The following SIAH1 variants were observed in gnomAD, a reference collection of about 807,000 sequenced individuals.
The protein encoded by SIAH1 is siah E3 ubiquitin protein ligase 1, also known as E3 ubiquitin-protein ligase SIAH1.
A neutral mutation model predicts 20.0 loss-of-function variants in SIAH1; 2 were observed. The ratio of observed to expected loss-of-function variants is 0.10; its 90% confidence interval spans 0.04 to 0.31. The LOEUF (loss-of-function observed/expected upper bound fraction) is 0.31. Among genes scored for constraint, SIAH1 ranks in the 10% least tolerant of loss-of-function variants. The pLI is 1.00. For missense variants in SIAH1, 119 were observed against 355.3 expected, an observed-to-expected ratio of 0.33 and a Z score of 5.35; for synonymous variants, 118 against 125.3, an observed-to-expected ratio of 0.94 and a Z score of 0.39.
chr16:48,380,076 A>G (rs1326813420), intron 1 of SIAH1, among the ~76,000 whole-genome samples: 2 of 152,234 alleles, frequency 1.3e-5, no homozygotes, highest in African/African-American at 2.4e-5. Context: ...AAGAGAGGCA[A>G]TGCCAGCTTT....
At chr16:48,369,208 T>C (rs990905422) in intron 1 of SIAH1, among the ~76,000 whole-genome samples, 4 of 152,330 alleles carry the variant, frequency 2.6e-5, no homozygotes, top group Admixed American at 6.5e-5. Context: ...TTCTTAAAAA[T>C]TGTATGTTTT....
intron 1 of SIAH1, among the ~76,000 whole-genome samples, chr16:48,375,101 A>G (rs1961074311): frequency 6.6e-6 from 1 of 152,256 alleles, no homozygotes. Context: ...GTGAGCCAAG[A>G]TGGTGCCACT....
intron 1 of SIAH1, among the ~76,000 whole-genome samples, chr16:48,368,421 C>T (rs777410660): frequency 9.2e-5 from 14 of 152,204 alleles, no homozygotes; most frequent in Non-Finnish European, 1.9e-4. Flanking sequence ...AACAGCTGGG[C>T]GTGGTGGCTC....
At chr16:48,369,153 A>C (rs1204181799) in intron 1 of SIAH1, among the ~76,000 whole-genome samples, 1 of 152,242 alleles carries the variant, frequency 6.6e-6, no homozygotes, top group African/African-American at 2.4e-5. Flanking sequence ...ACAATAAATT[A>C]AACAATCTAT....
chr16:48,362,572 AAG>A lies in SIAH1; in HGVS notation c.-2-144_-2-143del. On this transcript the variant is annotated intron_variant, in intron 1 of 1. Transcript: ENST00000394725. This position sits in a 1 kb window ranked among gnomAD's most constrained non-coding sequence, Gnocchi z 4.2. ...AAGAGGAAGAAAAATAGGATTAAAA[AAG>A]ATATTAAAAAAATAAAATTACACTG... The A allele has an allele frequency of 1.3e-6, 1 of 790,448 alleles. No homozygotes were observed. Among genetic ancestry groups the A allele is most frequent in the South Asian group, 1.9e-5 (1 of 52,686 alleles). The allele number at this position is 790,448 out of a possible 1,614,324, so 49.0% of individuals were successfully genotyped here. A position where few individuals can be genotyped will look rare whatever the true frequency, so the allele number is the denominator to read the frequency against.
At chr16:48,367,783 A>G (rs1029762802) in intron 1 of SIAH1, among the ~76,000 whole-genome samples, 1 of 146,452 alleles carries the variant, frequency 6.8e-6, no homozygotes, top group South Asian at 2.1e-4. Context: ...TAGAATATTT[A>G]CACTAGTTTT....
intron 1 of SIAH1, among the ~76,000 whole-genome samples, chr16:48,384,649 G>A (rs955762819): frequency 1.3e-5 from 2 of 151,088 alleles, no homozygotes; most frequent in Non-Finnish European, 3.0e-5. Flanking sequence ...GGCTCCAGCC[G>A]GGGGTCGGGG....
chr16:48,380,308 C>T (rs1413120470), intron 1 of SIAH1, among the ~76,000 whole-genome samples: 1 of 151,850 alleles, frequency 6.6e-6, no homozygotes, highest in Non-Finnish European at 1.5e-5. Flanking sequence ...GCACGGTGGG[C>T]TCGTTCCTCT....
intron 1 of SIAH1, chr16:48,365,582 G>A: frequency 6.7e-7 from 1 of 1,497,872 alleles, no homozygotes; most frequent in Non-Finnish European, 8.9e-7. Context: ...CGCGTCTGAG[G>A]TCAGGATCCA....
upstream of SIAH1, among the ~76,000 whole-genome samples, chr16:48,386,623 AT>A (rs1961474205): frequency 6.6e-6 from 1 of 152,260 alleles, no homozygotes. Flanking sequence ...TAATTACATG[AT>A]TTAAACTGCA....
rs1455617361 is a variant in SIAH1 at position 48,362,065 on chromosome 16, C to G, written c.364G>C (p.Glu122Gln). Reference sequence around the variant, plus strand: ...CACGGACAGGAATAAGGCCTAAACTCACAGAGCTCTTCATGGTCTGCTTTT... The same window carrying G: ...CACGGACAGGAATAAGGCCTAAACTGACAGAGCTCTTCATGGTCTGCTTTT... ...TEKADHEELC[E>Q]FRPYSCPCPG... The change falls in exon 2 of 2, where the codon GAG becomes CAG. Residue 122 changes from glutamate (E) to glutamine (Q), a missense_variant. Physicochemically the swap from Glu to Gln is conservative, Grantham distance 29 (BLOSUM62 2). Transcript: ENST00000394725. This position sits in a 1 kb window ranked among gnomAD's most constrained non-coding sequence, Gnocchi z 4.2. 1 of 1,614,190 alleles carries G rather than the reference C, an allele frequency of 6.2e-7. No homozygotes were observed. The highest frequency in any genetic ancestry group is 1.1e-5 in the South Asian group (1 of 91,086).
chr16:48,379,524 G>T (rs933193329), intron 1 of SIAH1, among the ~76,000 whole-genome samples: 2 of 152,146 alleles, frequency 1.3e-5, no homozygotes, highest in Admixed American at 6.6e-5. Flanking sequence ...CAACGAAAAG[G>T]CTAGAAGAGT....
intron 1 of SIAH1, among the ~76,000 whole-genome samples, chr16:48,376,794 A>G (rs1961120803): frequency 6.6e-6 from 1 of 152,244 alleles, no homozygotes; most frequent in Non-Finnish European, 1.5e-5. Flanking sequence ...TAATAAAGCT[A>G]AATCAGGGCC....
In SIAH1 at chr16:48,380,843, C is replaced by T. The variant is rs974560934; in HGVS notation, c.-3+4361G>A. 3.6e-5 allele frequency among the ~76,000 whole-genome samples: 5 copies of T among 138,652 alleles called. No individual in the cohort carries two copies. In the South Asian group the frequency reaches 1.2e-3, roughly 33 times the overall value. 91.0% of individuals were successfully genotyped at this position (138,652 alleles called of 152,430 possible). ...CTCAGGAGGCTGAGGCAGGAGAAAT[C>T]ACTTGAACCTGGGATGTGGAGGTTG... On this transcript the variant is annotated intron_variant, in intron 1 of 1. Transcript: ENST00000394725.
intron 1 of SIAH1, chr16:48,365,838 C>A (rs1207615099): frequency 2.4e-6 from 3 of 1,248,934 alleles, no homozygotes; most frequent in Non-Finnish European, 2.0e-6. Context: ...GGGGGCGACG[C>A]GCTGGCTGAG....
intron 1 of SIAH1, chr16:48,365,558 A>G (rs937378115): frequency 2.2e-5 from 34 of 1,538,540 alleles, no homozygotes; most frequent in Non-Finnish European, 2.9e-5. Flanking sequence ...TCCTAAGCAC[A>G]GAAGACCCAA....
intron 1 of SIAH1, among the ~76,000 whole-genome samples, chr16:48,372,313 A>G (rs963261092): frequency 6.6e-6 from 1 of 152,232 alleles, no homozygotes; most frequent in East Asian, 1.9e-4. Flanking sequence ...CATAAGCAGT[A>G]CCACCTGAAA....
chr16:48,383,993 G>A (rs1455128466), intron 1 of SIAH1, among the ~76,000 whole-genome samples: 6 of 152,238 alleles, frequency 3.9e-5, no homozygotes, highest in Admixed American at 3.9e-4. Flanking sequence ...AACAGGGCTT[G>A]AGGTAGATAC....
At chr16:48,378,707 A>C (rs1050332101) in intron 1 of SIAH1, among the ~76,000 whole-genome samples, 1 of 152,104 alleles carries the variant, frequency 6.6e-6, no homozygotes, top group Non-Finnish European at 1.5e-5. Flanking sequence ...ACTTCACAGC[A>C]TCTCTCCTCT....
Sources: allele counts gnomAD v4.1 joint callset (sites outside exome capture counted in the v4.1 genomes callset), GRCh38; gene constraint gnomAD v4.1.1; non-coding constraint Gnocchi (gnomAD v3.1); transcripts MANE v1.5; gene names NCBI Gene and HGNC (gene_info 2026-07-23, HGNC 2026-07-21).